Variants in ZNFX1 observed in about 807,000 individuals in gnomAD.
ZNFX1 encodes zinc finger NFX1-type containing 1, also known as NFX1-type zinc finger-containing protein 1.
A neutral mutation model predicts 179.8 loss-of-function variants in ZNFX1; 78 were observed. The observed-to-expected ratio is 0.43, with a 90% CI of 0.36 to 0.52. ZNFX1 has a LOEUF of 0.52. Ranked by LOEUF, ZNFX1 falls within the 20% of genes least tolerant of loss-of-function variation. The pLI, the probability that ZNFX1 is intolerant of heterozygous loss-of-function variation, is 0.00. For synonymous variants in ZNFX1, 848 were observed against 868.5 expected (o/e 0.98, Z 0.42); for missense variants, 1,927 against 2,386.6 (o/e 0.81, Z 4.01).
chr20:49,252,800 C>A lies in ZNFX1; in HGVS notation c.3136G>T (p.Ala1046Ser). The change falls in exon 12 of 14, where the codon GCC (alanine) becomes TCC (serine). Residue 1046 changes from alanine (A) to serine (S), a missense_variant. Physicochemically the swap from Ala to Ser is moderately conservative, Grantham distance 99. Transcript: ENST00000396105. ...LRPSANVYDLAKNFNLEVSLF... is the reference protein window; with the variant it reads ...LRPSANVYDLSKNFNLEVSLF... ...GACACCTCAAGGTTGAAGTTCTTGG[C>A]CAGATCATACACGTTGGCACTGGGG... is the stretch of plus-strand genomic sequence containing the variant. 6.2e-7 allele frequency: 1 copy of A among 1,614,054 alleles called. No individual in the cohort carries two copies. Among genetic ancestry groups the A allele is most frequent in the Non-Finnish European group, 8.5e-7 (1 of 1,179,980 alleles).
chr20:49,277,875 G>A (rs1040824088), intron 1 of ZNFX1, 146 bp downstream of exon 1: 4 of 153,578 alleles, frequency 2.6e-5, no homozygotes, highest in African/African-American at 9.7e-5. Flanking sequence ...GAGGGGCCAG[G>A]GGCTCTGAGC....
In ZNFX1 at chr20:49,273,738, T is replaced by C. The variant is rs574267253; in HGVS notation, c.62-1988A>G. Among the ~76,000 whole-genome samples, 19 of 152,206 alleles carry C rather than the reference T, an allele frequency of 1.2e-4. 1 individual carries two copies. The South Asian group carries it at 3.9e-3, about 32-fold the overall frequency. ...TGAGCTCAGGAGTTTCAGACCAGCC[T>C]GGGCAACATGGAGAAACCCTGTCTC... On this transcript the variant is annotated intron_variant, in intron 2 of 13. Transcript: ENST00000396105.
rs758806628 is a variant in ZNFX1 at position 49,248,404 on chromosome 20, A to G, written c.4620T>C (p.Cys1540=). ...GGTGGCCACAAACTAGCAGCTTAGT[A>G]CAAGGCACATAGCATGGGGGTCGGT... ...PCNRPPCYVP[C]TKLLVCGHPC... Residue 1540 remains cysteine (C), a synonymous_variant, in exon 14 of 14, where the codon TGT becomes TGC. Transcript: ENST00000396105. This position sits in a 1 kb window ranked among gnomAD's most constrained non-coding sequence, Gnocchi z 4.6. The G allele has an allele frequency of 6.2e-7, 1 of 1,610,456 alleles. No homozygotes were observed. Among genetic ancestry groups the G allele is most frequent in the Non-Finnish European group, 8.5e-7 (1 of 1,177,688 alleles).
Position 49,247,320 on chromosome 20 carries a change from A to G in ZNFX1, c.5704T>C (p.Ser1902Pro). The part of the protein sequence containing the change: ...EMDGAQHAAW[S>P]DTANNLMNFE... ...TTCATCAGGTTGTTGGCCGTGTCAG[A>G]CCAGGCAGCATGCTGGGCTCCATCC... Residue 1902 changes from serine to proline, a missense_variant, in exon 14 of 14, where the codon TCT (serine) becomes CCT (proline). Coordinates refer to ENST00000396105, the MANE Select transcript of ZNFX1 (RefSeq NM_021035.3). The G allele has an allele frequency of 2.5e-6, 4 of 1,614,076 alleles. No individual in the cohort carries two copies. In the East Asian group the frequency reaches 8.9e-5, roughly 36 times the overall value.
At chr20:49,276,787 CT>C (rs1981572959) in intron 1 of ZNFX1, among the ~76,000 whole-genome samples, 1 of 152,204 alleles carries the variant, frequency 6.6e-6, no homozygotes, top group Non-Finnish European at 1.5e-5. Flanking sequence ...TGAGGGGCAG[CT>C]TTTTTCCTCA....
rs1409233316 is a variant in ZNFX1 at position 49,245,937 on chromosome 20, A to AG, written c.*1329_*1330insC. On this transcript the variant is annotated 3_prime_UTR_variant, in exon 14 of 14. Transcript: ENST00000396105. The stretch of plus-strand genomic sequence containing the variant: ...TTGTTTTTAATTGGCTTTATAAGCT[A>AG]AAGTGCATAGTAAAGACAAAAAAAG... The AG allele has an allele frequency of 1.3e-5, 2 of 152,638 alleles. No homozygotes were observed. Among genetic ancestry groups the AG allele is most frequent in the Non-Finnish European group, 2.9e-5 (2 of 68,032 alleles). The allele number at this position is 152,638 out of a possible 1,614,324, so 9.5% of individuals were successfully genotyped here.
chr20:49,269,488 CCTGT>C (rs1981324847), intron 3 of ZNFX1, among the ~76,000 whole-genome samples: 2 of 152,168 alleles, frequency 1.3e-5, no homozygotes, highest in South Asian at 2.1e-4. Flanking sequence ...TCGAGATCAG[CCTGT>C]CTAACATGGT....
rs1029728179 is a variant in ZNFX1, at chr20:49,252,595, G to A, written c.3216+125C>T. On this transcript the variant is annotated intron_variant, in intron 12 of 13. Transcript: ENST00000396105. Reference sequence around the variant, plus strand: ...TGGTGTTTTAAAACAGAAAATGTAAGGTTGACAGAGTCATTTCAGTATTAA... The same window carrying A: ...TGGTGTTTTAAAACAGAAAATGTAAAGTTGACAGAGTCATTTCAGTATTAA... 1.2e-5 allele frequency: 8 copies of A among 640,836 alleles called. No homozygotes were observed. The African/African-American group carries it at 1.5e-4, about 12-fold the overall frequency. 39.7% of individuals were successfully genotyped at this position (640,836 alleles called of 1,614,324 possible).
rs139657531 is a variant in ZNFX1 at position 49,257,538 on chromosome 20, C to T, written c.2543G>A (p.Arg848Gln). 1.1e-5 allele frequency: 17 copies of T among 1,613,862 alleles called. No individual in the cohort carries two copies. The highest frequency in any genetic ancestry group is 7.7e-5 in the South Asian group (7 of 91,050). ...TGCTCCACTCTCTTCCTTCTTCCGC[C>T]GCTGGGGCCTCACCACCTCTTCCTC... is the stretch of plus-strand genomic sequence containing the variant. Reference protein sequence around the residue: ...IEEEEVVRPQRRKKEESGADQ... With the variant: ...IEEEEVVRPQQRKKEESGADQ... The change falls in exon 8 of 14, where the codon CGG (arginine) becomes CAG (glutamine). Residue 848 changes from arginine (R) to glutamine (Q), a missense_variant. By Grantham distance (43) the Arg-to-Gln change is conservative. Coordinates refer to ENST00000396105, the MANE Select transcript of ZNFX1 (RefSeq NM_021035.3).
intron 6 of ZNFX1, among the ~76,000 whole-genome samples, chr20:49,260,898 T>A (rs1047952352): frequency 1.3e-5 from 2 of 152,146 alleles, no homozygotes; most frequent in Admixed American, 6.5e-5. Context: ...CTGGCCAACA[T>A]GGTGAAACCC....
In ZNFX1 at chr20:49,275,894, A is replaced by G. The variant is rs953823993; in HGVS notation, c.-48-7T>C. On this transcript the variant is annotated splice_region_variant and splice_polypyrimidine_tract_variant and intron_variant, in intron 1 of 13. Coordinates refer to ENST00000396105, the MANE Select transcript of ZNFX1 (RefSeq NM_021035.3). ...CTTTCTGTTATCTGGAAAACTGCACATGTTGAGTTATCAGTGTCCTCGAAA... is the reference window on the plus strand; with the variant it reads ...CTTTCTGTTATCTGGAAAACTGCACGTGTTGAGTTATCAGTGTCCTCGAAA... 2 of 1,588,988 alleles carry G rather than the reference A, an allele frequency of 1.3e-6. No homozygotes were observed. The highest frequency in any genetic ancestry group is 1.7e-6 in the Non-Finnish European group (2 of 1,157,442).
chr20:49,277,673 G>A (rs112428579), intron 1 of ZNFX1, among the ~76,000 whole-genome samples: 1 of 151,844 alleles, frequency 6.6e-6, no homozygotes, highest in African/African-American at 2.4e-5. Flanking sequence ...AAGGGGCGAC[G>A]GGGCGCTGAG....
rs1980713320 is a variant in ZNFX1, at chr20:49,247,661, A to G, written c.5363T>C (p.Val1788Ala). 1 of 1,613,876 alleles carries G rather than the reference A, an allele frequency of 6.2e-7. No individual in the cohort carries two copies. Among genetic ancestry groups the G allele is most frequent in the Non-Finnish European group, 8.5e-7 (1 of 1,180,010 alleles). ...CTCAAGGATATTCTGGACACTATAG[A>G]CCTCTACTGCTATGCTATCTTTCAC... Reference protein sequence around the residue: ...KKVKDSIAVEVYSVQNILEKT... With the variant: ...KKVKDSIAVEAYSVQNILEKT... Residue 1788 changes from valine to alanine, a missense_variant, in exon 14 of 14, where the codon GTC (valine) becomes GCC (alanine). By Grantham distance (64) the Val-to-Ala change is moderately conservative. Coordinates refer to ENST00000396105, the MANE Select transcript of ZNFX1 (RefSeq NM_021035.3).
rs1163422838 is a variant in ZNFX1, at chr20:49,263,491, G to C, written c.2152-8C>G. ...CTTCATCTGTGTCATGATCTTCCAA[G>C]AACAGAGGGAAAGAAATGATGAGGA... On this transcript the variant is annotated splice_polypyrimidine_tract_variant and splice_region_variant and intron_variant, in intron 5 of 13. Coordinates refer to ENST00000396105, the MANE Select transcript of ZNFX1 (RefSeq NM_021035.3). The C allele has an allele frequency of 1.9e-5, 30 of 1,566,922 alleles. No individual in the cohort carries two copies. The highest frequency in any genetic ancestry group is 2.6e-5 in the Non-Finnish European group (30 of 1,154,554).
chr20:49,248,658 G>A lies in ZNFX1; in HGVS notation c.4366C>T (p.Arg1456Cys), dbSNP rs748049289. The A allele has an allele frequency of 3.3e-5, 54 of 1,613,352 alleles. No individual in the cohort carries two copies. Among genetic ancestry groups the A allele is most frequent in the Non-Finnish European group, 3.8e-5 (45 of 1,180,034 alleles). Reference protein sequence around the residue: ...PGSCHSCFEGRFHERCQQPCK... With the variant: ...PGSCHSCFEGCFHERCQQPCK... ...GGCTGCTGACAGCGTTCATGGAAACGCCCTTCGAAGCAGCTGTGGCAGGAG... is the reference window on the plus strand; with the variant it reads ...GGCTGCTGACAGCGTTCATGGAAACACCCTTCGAAGCAGCTGTGGCAGGAG... Residue 1456 changes from arginine to cysteine, a missense_variant, in exon 14 of 14, where the codon CGT (arginine) becomes TGT (cysteine). Physicochemically the swap from Arg to Cys is radical, Grantham distance 180 (BLOSUM62 -3). Transcript: ENST00000396105. The surrounding 1 kb of genome is among the most constrained non-coding windows in gnomAD (Gnocchi z 4.6).
intron 7 of ZNFX1, among the ~76,000 whole-genome samples, chr20:49,258,666 T>C (rs185096405): frequency 4.8e-5 from 7 of 146,410 alleles, no homozygotes; most frequent in Admixed American, 3.4e-4. Context: ...ATTAGCCAAG[T>C]GTGGTGGCGC....
rs938338859 is a variant in ZNFX1, at chr20:49,253,769, C to T, written c.3002G>A (p.Arg1001Lys). The T allele has an allele frequency of 1.9e-6, 3 of 1,614,162 alleles. No homozygotes were observed. In the South Asian group the frequency reaches 3.3e-5, roughly 18 times the overall value. The change falls in exon 11 of 14, where the codon AGG (arginine) becomes AAG (lysine). Residue 1001 changes from arginine to lysine, a missense_variant. Physicochemically the swap from Arg to Lys is conservative, Grantham distance 26. Coordinates refer to ENST00000396105, the MANE Select transcript of ZNFX1 (RefSeq NM_021035.3). ...YRQILQKVEP[R>K]IVIVEEAAEV... is the part of the protein sequence containing the mutation. ...CGCAGCTTCTTCCACTATGACAATC[C>T]TCGGCTCCACCTTCTGTAGGATCTG...
intron 9 of ZNFX1, among the ~76,000 whole-genome samples, chr20:49,255,548 G>T (rs183325270): frequency 9.2e-5 from 14 of 152,204 alleles, no homozygotes; most frequent in Non-Finnish European, 5.9e-5. Flanking sequence ...GGAATTACGT[G>T]ATTAATTTGT....
At position 49,263,413 on chromosome 20, in the gene ZNFX1, C is replaced by A; in HGVS notation, c.2222G>T (p.Arg741Leu). ...EGAKTLECTM[R>L]GVLREQYLQK... ...CAGGTACTGTTCCCGTAGGACACCA[C>A]GCATGGTGCACTCCAGGGTCTTGGC... Residue 741 changes from arginine to leucine, a missense_variant, in exon 6 of 14, where the codon CGT (arginine) becomes CTT (leucine). Transcript: ENST00000396105. 1 of 1,613,260 alleles carries A rather than the reference C, an allele frequency of 6.2e-7. No individual in the cohort carries two copies. Among genetic ancestry groups the A allele is most frequent in the Non-Finnish European group, 8.5e-7 (1 of 1,179,648 alleles).
Sources: allele counts gnomAD v4.1 joint callset (sites outside exome capture counted in the v4.1 genomes callset), GRCh38; gene constraint gnomAD v4.1.1; non-coding constraint Gnocchi (gnomAD v3.1); transcripts MANE v1.5; gene names NCBI Gene and HGNC (gene_info 2026-07-23, HGNC 2026-07-21).